Variants in ZC3H12C observed in about 807,000 individuals in gnomAD.
ZC3H12C encodes probable ribonuclease ZC3H12C.
A neutral mutation model predicts 76.3 loss-of-function variants in ZC3H12C; 20 were observed. The observed-to-expected ratio is 0.26, with a 90% CI of 0.18 to 0.38. ZC3H12C has a LOEUF of 0.38. ZC3H12C is among the 10% of genes least tolerant of loss of function. The probability of loss-of-function intolerance (pLI) is 1.00; values close to 1 mark genes in which losing one functional copy is unlikely to be tolerated. For missense variants in ZC3H12C, 874 were observed against 1,086.5 expected (o/e 0.80, Z 2.75); for synonymous variants, 352 against 399.6 (o/e 0.88, Z 1.42).
intron 4 of ZC3H12C, 130 bp downstream of exon 4, chr11:110,159,620 A>G: frequency 1.3e-6 from 1 of 787,394 alleles, no homozygotes; most frequent in South Asian, 1.8e-5. Context: ...TGATCTCCCC[A>G]CTGATCCTCA....
At chr11:110,146,075 C>T (rs989974000) in intron 2 of ZC3H12C, among the ~76,000 whole-genome samples, 5 of 152,206 alleles carry the variant, frequency 3.3e-5, no homozygotes, top group Admixed American at 6.5e-5. Context: ...CAAGCTCCGC[C>T]TCCCGGGTTC....
intron 1 of ZC3H12C, among the ~76,000 whole-genome samples, chr11:110,123,485 T>C (rs1182427042): frequency 6.6e-6 from 1 of 152,184 alleles, no homozygotes; most frequent in Non-Finnish European, 1.5e-5. Context: ...AGGAATGTTG[T>C]TTTTGTGGAT....
Position 110,101,607 on chromosome 11 carries a change from G to A in ZC3H12C, c.21+8175G>A, listed in dbSNP as rs111577950. ...CTGTCGCCCAGGCTGGAATGCAGTG[G>A]TGCGATCTCAGCTCACTGCAACCTC... On this transcript the variant is annotated intron_variant, in intron 1 of 5. Coordinates refer to ENST00000278590, the MANE Select transcript of ZC3H12C (RefSeq NM_033390.2). Among the ~76,000 whole-genome samples, 369 of 151,064 alleles carry A rather than the reference G, an allele frequency of 2.4e-3. 4 individuals are homozygous for A. Among genetic ancestry groups the A allele is most frequent in the African/African-American group, 8.4e-3 (345 of 41,070 alleles).
At chr11:110,144,147 T>C (rs936985082) in intron 2 of ZC3H12C, among the ~76,000 whole-genome samples, 13 of 152,244 alleles carry the variant, frequency 8.5e-5, no homozygotes, top group African/African-American at 3.1e-4. Context: ...CTACACATCA[T>C]GCATTTTGCT....
chr11:110,138,042 C>T (rs1193386762), intron 2 of ZC3H12C, among the ~76,000 whole-genome samples: 2 of 151,854 alleles, frequency 1.3e-5, no homozygotes, highest in Non-Finnish European at 2.9e-5. Context: ...TCATTTGAGG[C>T]CAGGAGTTTG....
intron 1 of ZC3H12C, among the ~76,000 whole-genome samples, chr11:110,106,899 C>T (rs1263270345): frequency 6.6e-6 from 1 of 152,052 alleles, no homozygotes; most frequent in Non-Finnish European, 1.5e-5. Flanking sequence ...CAATTCATAC[C>T]TTTTTTCTTC....
At chr11:110,139,869 C>CTTTTTTTTTTTTTTTTTT (rs58867910) in intron 2 of ZC3H12C, among the ~76,000 whole-genome samples, 1 of 131,528 alleles carries the variant, frequency 7.6e-6, no homozygotes, top group African/African-American at 2.8e-5. Context: ...CATATATTTT[C>CTTTTTTTTTTTTTTTTTT]TTTTTTTTTT....
chr11:110,153,554 T>G (rs1234846008), intron 3 of ZC3H12C, among the ~76,000 whole-genome samples: 1 of 4,372 alleles, frequency 2.3e-4, no homozygotes, highest in Non-Finnish European at 0.042. Context: ...ATAAGCCAGC[T>G]TTTTTTTTTT....
intron 1 of ZC3H12C, among the ~76,000 whole-genome samples, chr11:110,095,319 CT>C (rs377747631): frequency 3.9e-4 from 60 of 152,320 alleles, no homozygotes; most frequent in African/African-American, 1.3e-3. Context: ...GGTCTTCATT[CT>C]AGCAGACCAC....
chr11:110,131,707 C>G (rs2134171952), intron 1 of ZC3H12C: 1 of 152,422 alleles, frequency 6.6e-6, no homozygotes, highest in Admixed American at 6.5e-5. Flanking sequence ...GATGTCATTC[C>G]AAGAACTATT....
chr11:110,141,101 C>G (rs560621491), intron 2 of ZC3H12C, among the ~76,000 whole-genome samples: 1 of 151,996 alleles, frequency 6.6e-6, no homozygotes, highest in South Asian at 2.1e-4. Flanking sequence ...TACTCAGCCC[C>G]GCAAAGAGTC....
In ZC3H12C at chr11:110,163,336, G is replaced by A. The variant is rs751767973; in HGVS notation, c.1212G>A (p.Lys404=). Residue 404 remains lysine (K), a synonymous_variant, in exon 5 of 6, where the codon AAG becomes AAA. Transcript: ENST00000278590. ...HGPSLDNFLR[K]KPIVPEHKKQ... is the part of the protein sequence containing the mutation. The stretch of plus-strand genomic sequence containing the variant: ...CCAGTCTGGATAATTTTCTGAGGAA[G>A]AAACCTATTGTTCCTGAACACAAAA... 1 of 1,612,888 alleles carries A rather than the reference G, an allele frequency of 6.2e-7. No individual in the cohort carries two copies. The highest frequency in any genetic ancestry group is 2.2e-5 in the East Asian group (1 of 44,878).
rs957892536 is a variant in ZC3H12C, at chr11:110,164,999, C to T, written c.1914C>T (p.Asp638=). ...GGAGCATGAGCTGTGGGAGCAGTGA[C>T]TCCTACGTGGGTTACAATGACCGGT... ...SEGSMSCGSS[D]SYVGYNDRSY... Residue 638 remains aspartate (D), a synonymous_variant, in exon 6 of 6, where the codon GAC becomes GAT. Transcript: ENST00000278590. This position sits in a 1 kb window ranked among gnomAD's most constrained non-coding sequence, Gnocchi z 5.7. 2 of 1,614,006 alleles carry T rather than the reference C, an allele frequency of 1.2e-6. No individual in the cohort carries two copies. The highest frequency in any genetic ancestry group is 1.7e-6 in the Non-Finnish European group (2 of 1,179,894).
intron 1 of ZC3H12C, among the ~76,000 whole-genome samples, chr11:110,130,779 A>G (rs1861847198): frequency 6.6e-6 from 1 of 152,198 alleles, no homozygotes; most frequent in Non-Finnish European, 1.5e-5. Context: ...TGTATGGCCT[A>G]TTGTTGCTGC....
chr11:110,100,419 A>G (rs1387117780), intron 1 of ZC3H12C, among the ~76,000 whole-genome samples: 1 of 152,092 alleles, frequency 6.6e-6, no homozygotes, highest in Non-Finnish European at 1.5e-5. Context: ...GGCATACCTC[A>G]TTTTATTGCA....
At chr11:110,133,869 G>T (rs971502789) in intron 1 of ZC3H12C, among the ~76,000 whole-genome samples, 3 of 151,888 alleles carry the variant, frequency 2.0e-5, no homozygotes, top group Admixed American at 6.6e-5. Flanking sequence ...TAAAAACTTT[G>T]CAGTATCTGA....
rs1862550167 is a variant in ZC3H12C, at chr11:110,164,983, G to A, written c.1898G>A (p.Ser633Asn). The A allele has an allele frequency of 6.2e-7, 1 of 1,614,044 alleles. No individual in the cohort carries two copies. Among genetic ancestry groups the A allele is most frequent in the Non-Finnish European group, 8.5e-7 (1 of 1,179,902 alleles). ...GACTGCAGCAGTGAAGGGAGCATGA[G>A]CTGTGGGAGCAGTGACTCCTACGTG... ...ASDCSSEGSM[S>N]CGSSDSYVGY... The change falls in exon 6 of 6, where the codon AGC becomes AAC. Residue 633 changes from serine (S) to asparagine (N), a missense_variant. Physicochemically the swap from Ser to Asn is conservative, Grantham distance 46. This residue lies in a region of ZC3H12C where 395 missense variants were observed against 434.4 expected (regional missense o/e 0.91). Transcript: ENST00000278590. The surrounding 1 kb of genome is among the most constrained non-coding windows in gnomAD (Gnocchi z 5.7).
chr11:110,136,653 T>G lies in ZC3H12C; in HGVS notation c.22-10T>G. On this transcript the variant is annotated splice_polypyrimidine_tract_variant and intron_variant, in intron 1 of 5. Transcript: ENST00000278590. The stretch of plus-strand genomic sequence containing the variant: ...CTATGAAATTCTAAATATTTTACAT[T>G]TTTCTCTAGGAATACGGGGTGCTTT... 1 of 1,600,164 alleles carries G rather than the reference T, an allele frequency of 6.2e-7. No individual in the cohort carries two copies.
rs114050751 is a variant in ZC3H12C, at chr11:110,135,637, C to T, written c.22-1026C>T. Among the ~76,000 whole-genome samples, 374 of 151,448 alleles carry T rather than the reference C, an allele frequency of 2.5e-3. 2 individuals are homozygous for T. Among genetic ancestry groups the T allele is most frequent in the African/African-American group, 8.8e-3 (364 of 41,268 alleles). ...TCTTTAAGGAAAAATAGTAAAATGGCAAAAAACAAACCAATTTTAAATAGT... is the reference window on the plus strand; with the variant it reads ...TCTTTAAGGAAAAATAGTAAAATGGTAAAAAACAAACCAATTTTAAATAGT... On this transcript the variant is annotated intron_variant, in intron 1 of 5. Transcript: ENST00000278590.
Sources: gnomAD v4.1 joint callset for allele counts (sites outside exome capture counted in the v4.1 genomes callset) on GRCh38, gnomAD v4.1.1 for gene constraint, gnomAD v4.1.1 regional missense constraint, Gnocchi (gnomAD v3.1) non-coding constraint, MANE v1.5 for transcripts, NCBI Gene and HGNC (gene_info 2026-07-23, HGNC 2026-07-21) for gene names.